FAM13A: variants seen among roughly 807,000 people sequenced by gnomAD.
The protein encoded by FAM13A is protein FAM13A.
FAM13A carries 76 observed loss-of-function variants against 129.6 expected under a neutral mutation model. That is an observed-to-expected ratio of 0.59 (90% CI 0.49 to 0.71). The LOEUF is 0.71. FAM13A is among the 30% of genes least tolerant of loss of function. FAM13A has a pLI of 0.00. For synonymous variants in FAM13A, 443 were observed against 449.9 expected (o/e 0.98, Z 0.20); for missense variants, 1,108 against 1,249.3 (o/e 0.89, Z 1.70).
At chr4:88,944,980 G>A (rs1448561152) in intron 4 of FAM13A, among the ~76,000 whole-genome samples, 2 of 152,058 alleles carry the variant, frequency 1.3e-5, no homozygotes, top group Admixed American at 1.3e-4. Flanking sequence ...ACCTCTGTGG[G>A]TTATTCTTGC....
chr4:88,853,183 A>C (rs1737911060), intron 6 of FAM13A, among the ~76,000 whole-genome samples: 1 of 152,154 alleles, frequency 6.6e-6, no homozygotes, highest in African/African-American at 2.4e-5. Flanking sequence ...ACGTACAAAA[A>C]CACTTCTGTA....
chr4:88,958,004 T>C (rs1027162349), intron 4 of FAM13A, among the ~76,000 whole-genome samples: 1 of 152,102 alleles, frequency 6.6e-6, no homozygotes, highest in African/African-American at 2.4e-5. Context: ...AAAAGTTGGA[T>C]TTATATTTAA....
intron 13 of FAM13A, 133 bp from the exon 14 acceptor site, chr4:88,759,034 T>A: frequency 2.1e-6 from 2 of 940,404 alleles, no homozygotes; most frequent in Non-Finnish European, 3.1e-6. Context: ...GAAATAAAAA[T>A]CATGGCTTGA....
chr4:88,749,905 G>A lies in FAM13A; in HGVS notation c.1945C>T (p.Arg649Ter), dbSNP rs779577194. ...TCATAGGACCCCAGAGAGGAGCTTC[G>A]CCGCCTGTGAAGAGTACGACTTGGG... is the stretch of plus-strand genomic sequence containing the variant. ...PPNSHSFMRR[R>*]SSSLGSYDDE... The change falls in exon 16 of 24, where the codon CGA becomes TGA. Residue 649 changes from arginine to a stop codon, truncating the protein, a stop_gained. Coordinates refer to ENST00000264344, the MANE Select transcript of FAM13A (RefSeq NM_014883.4). LOFTEE classifies it high-confidence loss of function. The A allele has an allele frequency of 1.9e-6, 3 of 1,613,272 alleles. No homozygotes were observed. The highest frequency in any genetic ancestry group is 1.7e-6 in the Non-Finnish European group (2 of 1,179,928).
chr4:88,843,772 A>G (rs1736211802), intron 7 of FAM13A, among the ~76,000 whole-genome samples: 1 of 152,224 alleles, frequency 6.6e-6, no homozygotes, highest in African/African-American at 2.4e-5. Context: ...ACAAGTGCAG[A>G]GAGCTGCAGA....
chr4:88,758,947 A>AC (rs748249752), intron 13 of FAM13A, 46 bp from the exon 14 acceptor site: 1 of 1,585,892 alleles, frequency 6.3e-7, no homozygotes, highest in African/African-American at 1.3e-5. Flanking sequence ...GCTCACCAAA[A>AC]CCCCAAGACG....
At chr4:88,770,420 C>T (rs1720423077) in intron 11 of FAM13A, among the ~76,000 whole-genome samples, 2 of 152,066 alleles carry the variant, frequency 1.3e-5, no homozygotes, top group African/African-American at 2.4e-5. Flanking sequence ...AAGCACAACC[C>T]TCTATCTTCA....
intron 5 of FAM13A, among the ~76,000 whole-genome samples, chr4:88,922,901 A>T (rs1257468451): frequency 6.6e-6 from 1 of 152,216 alleles, no homozygotes; most frequent in African/African-American, 2.4e-5. Flanking sequence ...TCAAACTACC[A>T]TCAGAGAATA....
intron 6 of FAM13A, among the ~76,000 whole-genome samples, chr4:88,854,466 C>A (rs1261271231): frequency 1.3e-5 from 2 of 152,292 alleles, no homozygotes; most frequent in East Asian, 3.9e-4. Context: ...ACTGGGGAGG[C>A]CAGCTTTCTC....
At chr4:88,949,902 G>A (rs753182912) in intron 4 of FAM13A, among the ~76,000 whole-genome samples, 2 of 152,070 alleles carry the variant, frequency 1.3e-5, no homozygotes, top group South Asian at 2.1e-4. Flanking sequence ...AACATAAAAC[G>A]TCATAAGTGA....
intron 3 of FAM13A, among the ~76,000 whole-genome samples, chr4:88,993,719 G>A (rs893224828): frequency 6.6e-6 from 1 of 152,080 alleles, no homozygotes; most frequent in Non-Finnish European, 1.5e-5. Context: ...CATTTATGGC[G>A]GCTGGGCGCG....
At chr4:88,861,217 C>T (rs1211784849) in intron 6 of FAM13A, among the ~76,000 whole-genome samples, 2 of 151,800 alleles carry the variant, frequency 1.3e-5, no homozygotes, top group African/African-American at 2.4e-5. Flanking sequence ...CCCATCTCTA[C>T]TAAAAATACA....
intron 4 of FAM13A, among the ~76,000 whole-genome samples, chr4:88,945,994 A>G (rs9683569): frequency 0.55 from 35,009 of 63,244 alleles, 6,750 homozygotes; most frequent in East Asian, 0.59. Flanking sequence ...GTGTGTGTAT[A>G]TATATATATA....
At chr4:88,977,954 G>A (rs899876328) in intron 4 of FAM13A, among the ~76,000 whole-genome samples, 12 of 152,070 alleles carry the variant, frequency 7.9e-5, no homozygotes, top group South Asian at 4.2e-4. Flanking sequence ...AATTTTTTAC[G>A]TGATACAAAC....
chr4:88,898,613 T>C (rs1222135671), intron 6 of FAM13A, among the ~76,000 whole-genome samples: 1 of 149,912 alleles, frequency 6.7e-6, no homozygotes, highest in Non-Finnish European at 1.5e-5. Flanking sequence ...AAAACTATAA[T>C]TTTTTTTAGT....
At chr4:88,803,831 T>G (rs1007843168) in intron 8 of FAM13A, among the ~76,000 whole-genome samples, 1 of 152,230 alleles carries the variant, frequency 6.6e-6, no homozygotes, top group African/African-American at 2.4e-5. Context: ...TGAAGTCCTA[T>G]GACACATTTC....
At chr4:89,031,874 C>T (rs772941018) in intron 1 of FAM13A, among the ~76,000 whole-genome samples, 1 of 152,012 alleles carries the variant, frequency 6.6e-6, no homozygotes. Context: ...TTGATTTATT[C>T]CTAGAAATTC....
chr4:88,884,546 C>G (rs973005524), intron 6 of FAM13A, among the ~76,000 whole-genome samples: 6 of 152,126 alleles, frequency 3.9e-5, no homozygotes, highest in African/African-American at 1.4e-4. Context: ...CAACATTATA[C>G]TGAATGAGGA....
chr4:89,052,146 C>T (rs890452197), intron 1 of FAM13A, among the ~76,000 whole-genome samples: 10 of 152,064 alleles, frequency 6.6e-5, no homozygotes, highest in African/African-American at 2.4e-4. Context: ...GAAGGGCAGC[C>T]ACCCTGCTTC....
Sources: allele counts gnomAD v4.1 joint callset (sites outside exome capture counted in the v4.1 genomes callset), GRCh38; gene constraint gnomAD v4.1.1; transcripts MANE v1.5; gene names NCBI Gene and HGNC (gene_info 2026-07-23, HGNC 2026-07-21).